CTNNA3: variants seen among roughly 807,000 people sequenced by gnomAD.
The protein encoded by CTNNA3 is catenin alpha-3.
In CTNNA3, 76 loss-of-function variants were observed where a neutral mutation model predicts 95.7. That is an observed-to-expected ratio of 0.79 (90% CI 0.66 to 0.96). The LOEUF (loss-of-function observed/expected upper bound fraction) is 0.96, where lower values mean the gene tolerates loss of function less well. Ranked by LOEUF, CTNNA3 falls within the 40% of genes least tolerant of loss-of-function variation. The pLI, the probability that CTNNA3 is intolerant of heterozygous loss-of-function variation, is 0.00. For synonymous variants in CTNNA3, 431 were observed against 374.4 expected (o/e 1.15, Z -1.74); for missense variants, 1,191 against 1,089.8 (o/e 1.09, Z -1.31).
At chr10:67,360,616 C>T (rs1272421510) in intron 5 of CTNNA3, among the ~76,000 whole-genome samples, 9 of 152,130 alleles carry the variant, frequency 5.9e-5, no homozygotes, top group South Asian at 2.1e-4. Flanking sequence ...ACAGACTATA[C>T]GGGAAGCATA....
chr10:66,169,486 G>A (rs1011063862), intron 13 of CTNNA3, among the ~76,000 whole-genome samples: 16 of 152,176 alleles, frequency 1.1e-4, no homozygotes, highest in African/African-American at 1.7e-4. Flanking sequence ...ATAAACATGC[G>A]TGTGCAAGTA....
chr10:67,330,246 C>T (rs2616703), intron 5 of CTNNA3, among the ~76,000 whole-genome samples: 113,623 of 152,086 alleles, frequency 0.75, 45,110 homozygotes, highest in Non-Finnish European at 0.88. Flanking sequence ...CTCTCTCCTG[C>T]ATGTTTCCCA....
At chr10:66,895,125 C>T (rs1390311850) in intron 7 of CTNNA3, among the ~76,000 whole-genome samples, 2 of 150,682 alleles carry the variant, frequency 1.3e-5, no homozygotes, top group Non-Finnish European at 3.0e-5. Flanking sequence ...TCCTCAATTC[C>T]ATCTTTCACT....
chr10:66,342,171 A>G (rs773730635), intron 12 of CTNNA3, among the ~76,000 whole-genome samples: 4 of 151,978 alleles, frequency 2.6e-5, no homozygotes, highest in Non-Finnish European at 5.9e-5. Flanking sequence ...CAATAGTCCA[A>G]ATAGTCTAAA....
At chr10:66,117,704 T>C (rs72793502) in intron 13 of CTNNA3, among the ~76,000 whole-genome samples, 9,410 of 152,330 alleles carry the variant, frequency 0.062, 379 homozygotes, top group Middle Eastern at 0.1. Context: ...GATTCTCCTA[T>C]CACTTTATAG....
intron 17 of CTNNA3, among the ~76,000 whole-genome samples, chr10:65,925,659 A>T (rs1245385859): frequency 1.3e-5 from 2 of 151,842 alleles, no homozygotes; most frequent in Admixed American, 6.6e-5. Context: ...TCAGTCCCCA[A>T]CTCCTGACCT....
At chr10:67,337,774 T>C (rs890357487) in intron 5 of CTNNA3, among the ~76,000 whole-genome samples, 8 of 152,208 alleles carry the variant, frequency 5.3e-5, no homozygotes, top group Admixed American at 2.0e-4. Flanking sequence ...AGAAAGATCA[T>C]GATCCACTGA....
intron 7 of CTNNA3, among the ~76,000 whole-genome samples, chr10:66,895,310 C>A (rs1324024855): frequency 6.6e-6 from 1 of 152,100 alleles, no homozygotes; most frequent in Non-Finnish European, 1.5e-5. Context: ...CTATATCTTG[C>A]AAGACTGCAG....
At chr10:66,907,023 AC>A (rs1220068725) in intron 7 of CTNNA3, among the ~76,000 whole-genome samples, 1 of 152,164 alleles carries the variant, frequency 6.6e-6, no homozygotes, top group Admixed American at 6.5e-5. Context: ...AGAATTAGAT[AC>A]AAAAAAATCC....
At chr10:66,557,133 T>G (rs926749757) in intron 10 of CTNNA3, among the ~76,000 whole-genome samples, 2 of 152,098 alleles carry the variant, frequency 1.3e-5, no homozygotes, top group African/African-American at 4.8e-5. Flanking sequence ...ACTAAGCATC[T>G]GAAAGAACAT....
At chr10:66,186,420 A>G (rs1397606659) in intron 13 of CTNNA3, among the ~76,000 whole-genome samples, 1 of 152,092 alleles carries the variant, frequency 6.6e-6, no homozygotes, top group East Asian at 1.9e-4. Flanking sequence ...TCTTAAGGAG[A>G]GATTAAGAAG....
intron 10 of CTNNA3, among the ~76,000 whole-genome samples, chr10:66,591,117 C>A (rs1469270421): frequency 1.3e-5 from 2 of 152,150 alleles, no homozygotes; most frequent in African/African-American, 4.8e-5. Flanking sequence ...AACAGAACAT[C>A]ATCTGTATCA....
At chr10:67,029,735 C>T (rs926293889) in intron 7 of CTNNA3, among the ~76,000 whole-genome samples, 6 of 152,308 alleles carry the variant, frequency 3.9e-5, no homozygotes, top group East Asian at 1.9e-4. Context: ...ACTTTTAACT[C>T]TGTGATTCTA....
At chr10:66,416,019 T>C (rs1340750013) in intron 11 of CTNNA3, among the ~76,000 whole-genome samples, 1 of 152,100 alleles carries the variant, frequency 6.6e-6, no homozygotes, top group Non-Finnish European at 1.5e-5. Context: ...CTAAATAATT[T>C]CAGTGAGATA....
chr10:66,471,551 A>T (rs1281734771), intron 11 of CTNNA3, among the ~76,000 whole-genome samples: 1 of 151,770 alleles, frequency 6.6e-6, no homozygotes, highest in African/African-American at 2.4e-5. Flanking sequence ...TACATCAACA[A>T]TTTTCACGCC....
chr10:67,246,370 T>C (rs1014775569), intron 5 of CTNNA3, among the ~76,000 whole-genome samples: 1 of 152,212 alleles, frequency 6.6e-6, no homozygotes, highest in Non-Finnish European at 1.5e-5. Flanking sequence ...AATACTCTTT[T>C]TTTCCTCTCT....
chr10:67,655,943 A>C (rs1840013066), intron 1 of CTNNA3, among the ~76,000 whole-genome samples: 1 of 152,212 alleles, frequency 6.6e-6, no homozygotes, highest in Non-Finnish European at 1.5e-5. Context: ...CTAAATCATC[A>C]CAAGAAGATT....
intron 3 of CTNNA3, among the ~76,000 whole-genome samples, chr10:67,542,157 A>G (rs1465109656): frequency 2.0e-5 from 3 of 152,080 alleles, no homozygotes; most frequent in Non-Finnish European, 4.4e-5. Flanking sequence ...TTAAATTCTT[A>G]TTGCTGGACT....
intron 7 of CTNNA3, among the ~76,000 whole-genome samples, chr10:66,815,681 T>A (rs1842050821): frequency 6.6e-6 from 1 of 152,192 alleles, no homozygotes; most frequent in Non-Finnish European, 1.5e-5. Context: ...AAAAAGCTTG[T>A]AAATAAAAGT....
Sources: allele counts gnomAD v4.1 joint callset (sites outside exome capture counted in the v4.1 genomes callset), GRCh38; gene constraint gnomAD v4.1.1; transcripts MANE v1.5; gene names NCBI Gene and HGNC (gene_info 2026-07-23, HGNC 2026-07-21).